Variants in TDRD5 observed in about 807,000 individuals in gnomAD.
TDRD5 encodes the protein tudor domain-containing protein 5.
Under a neutral mutation model 120.6 loss-of-function variants are expected in TDRD5, and 41 were observed. That is an observed-to-expected ratio of 0.34 (90% CI 0.26 to 0.44). The LOEUF (loss-of-function observed/expected upper bound fraction) is 0.44, where lower values mean the gene tolerates loss of function less well. Ranked by LOEUF, TDRD5 falls within the 20% of genes least tolerant of loss-of-function variation. TDRD5 has a pLI of 1.00. For synonymous variants in TDRD5, 430 were observed against 433.7 expected, an observed-to-expected ratio of 0.99 and a Z score of 0.11; for missense variants, 1,006 against 1,221.2, an observed-to-expected ratio of 0.82 and a Z score of 2.63.
rs1164994080 is a variant in TDRD5, at chr1:179,650,871, A to T, written c.1805A>T (p.His602Leu). ...SLAWVRPVEE[H>L]WTSKAILQFQ... ...AATATCTTGATCATATTTCAGGAAC[A>T]CTGGACATCGAAAGCTATTTTGCAG... is the stretch of plus-strand genomic sequence containing the variant. The change falls in exon 12 of 18, where the codon CAC (histidine) becomes CTC (leucine). Residue 602 changes from histidine to leucine, a missense_variant. This residue lies in a region of TDRD5 where 158 missense variants were observed against 257.5 expected (regional missense o/e 0.61). Coordinates refer to ENST00000444136, the MANE Select transcript of TDRD5 (RefSeq NM_001199085.3). The T allele has an allele frequency of 6.2e-7, 1 of 1,614,116 alleles. No individual in the cohort carries two copies. The highest frequency in any genetic ancestry group is 8.5e-7 in the Non-Finnish European group (1 of 1,179,986).
chr1:179,610,131 T>C (rs535065338), intron 4 of TDRD5, among the ~76,000 whole-genome samples: 1 of 152,312 alleles, frequency 6.6e-6, no homozygotes, highest in Admixed American at 6.5e-5. Flanking sequence ...AATTTTCTAG[T>C]TATTTATGGC....
intron 11 of TDRD5, among the ~76,000 whole-genome samples, chr1:179,642,899 A>G (rs952002258): frequency 9.2e-5 from 14 of 152,218 alleles, no homozygotes; most frequent in African/African-American, 2.4e-4. Flanking sequence ...TTAAATGGCA[A>G]TGGGACTTTT....
At chr1:179,639,584 G>A (rs991889599) in intron 9 of TDRD5, among the ~76,000 whole-genome samples, 1 of 152,118 alleles carries the variant, frequency 6.6e-6, no homozygotes, top group African/African-American at 2.4e-5. Context: ...AATGAAGATG[G>A]GGTACATTCT....
chr1:179,681,643 A>C (rs893733089), intron 17 of TDRD5, among the ~76,000 whole-genome samples: 6 of 151,824 alleles, frequency 4.0e-5, no homozygotes, highest in Non-Finnish European at 8.8e-5. Flanking sequence ...CAATTATTCA[A>C]CTCTGCTGTT....
Position 179,592,594 on chromosome 1 carries a change from G to T in TDRD5, c.-14-8G>T. ...CCCCCTTTTCCTCAGCTGCGTTTCT[G>T]TCTTCAGTCCTGTAGGGCACAATGT... On this transcript the variant is annotated splice_region_variant and splice_polypyrimidine_tract_variant and intron_variant, in intron 1 of 17. Transcript: ENST00000444136. 6.2e-7 allele frequency: 1 copy of T among 1,605,168 alleles called. No individual in the cohort carries two copies. The highest frequency in any genetic ancestry group is 8.5e-7 in the Non-Finnish European group (1 of 1,173,464).
intron 4 of TDRD5, among the ~76,000 whole-genome samples, chr1:179,596,922 A>T (rs1331261157): frequency 6.6e-6 from 1 of 152,194 alleles, no homozygotes; most frequent in Non-Finnish European, 1.5e-5. Context: ...CCCATTAGAT[A>T]TGTATGAGAG....
At chr1:179,682,069 A>C (rs1240158429) in intron 17 of TDRD5, among the ~76,000 whole-genome samples, 2 of 146,766 alleles carry the variant, frequency 1.4e-5, no homozygotes, top group African/African-American at 2.5e-5. Context: ...AACTGTTTTA[A>C]TATCCATGTC....
chr1:179,685,950 G>A (rs1680685577), intron 17 of TDRD5, among the ~76,000 whole-genome samples: 1 of 152,168 alleles, frequency 6.6e-6, no homozygotes, highest in African/African-American at 2.4e-5. Flanking sequence ...GAGCTAAGAT[G>A]ATGGGGTTTT....
Position 179,690,874 on chromosome 1 carries a change from T to A in TDRD5, c.3039T>A (p.Ala1013=), listed in dbSNP as rs1396878207. Reference sequence around the variant, plus strand: ...GTACAGCCACTGCTGCCTTAGGTGCTGCCGCACGGTTAGCTACATCCAGGA... The same window carrying A: ...GTACAGCCACTGCTGCCTTAGGTGCAGCCGCACGGTTAGCTACATCCAGGA... ...PRSTATAALG[A]AARLATSRSL... The change falls in exon 18 of 18, where the codon GCT becomes GCA. Residue 1013 remains alanine (A), a synonymous_variant. Coordinates refer to ENST00000444136, the MANE Select transcript of TDRD5 (RefSeq NM_001199085.3). 1 of 1,614,094 alleles carries A rather than the reference T, an allele frequency of 6.2e-7. No individual in the cohort carries two copies. Among genetic ancestry groups the A allele is most frequent in the Non-Finnish European group, 8.5e-7 (1 of 1,180,008 alleles).
intron 17 of TDRD5, among the ~76,000 whole-genome samples, 200 bp downstream of exon 17, chr1:179,669,604 GT>G (rs1054625208): frequency 2.0e-5 from 3 of 151,760 alleles, no homozygotes; most frequent in Non-Finnish European, 4.4e-5. Flanking sequence ...CTGCACTTTT[GT>G]TTTTTTGCCG....
At chr1:179,648,049 G>A (rs1678487987) in intron 11 of TDRD5, among the ~76,000 whole-genome samples, 1 of 152,022 alleles carries the variant, frequency 6.6e-6, no homozygotes. Flanking sequence ...CGATTCCTCA[G>A]GGATCTAGAA....
intron 17 of TDRD5, among the ~76,000 whole-genome samples, chr1:179,687,392 A>G (rs1190102161): frequency 6.6e-6 from 1 of 152,194 alleles, no homozygotes; most frequent in Non-Finnish European, 1.5e-5. Flanking sequence ...ATTTGATTGC[A>G]CTGTGGTCTG....
In TDRD5 at chr1:179,690,882, G is replaced by A. The variant is rs188949880; in HGVS notation, c.3047G>A (p.Arg1016Gln). 4 of 1,613,954 alleles carry A rather than the reference G, an allele frequency of 2.5e-6. No homozygotes were observed. In the Admixed American group the frequency reaches 5.0e-5, roughly 20 times the overall value. Residue 1016 changes from arginine (R) to glutamine (Q), a missense_variant, in exon 18 of 18, where the codon CGG becomes CAG. Physicochemically the swap from Arg to Gln is conservative, Grantham distance 43 (BLOSUM62 1). Transcript: ENST00000444136. ...ACTGCTGCCTTAGGTGCTGCCGCAC[G>A]GTTAGCTACATCCAGGAGCCTCCTA... ...TATAALGAAA[R>Q]LATSRSLLHW...
intron 3 of TDRD5, 62 bp from the exon 4 acceptor site, chr1:179,595,566 C>T (rs765095460): frequency 1.1e-5 from 16 of 1,433,698 alleles, no homozygotes; most frequent in African/African-American, 5.8e-5. Flanking sequence ...ATGTAGCCAC[C>T]GGAAAATGAA....
chr1:179,613,686 C>T (rs985772586), intron 4 of TDRD5, among the ~76,000 whole-genome samples: 4 of 152,160 alleles, frequency 2.6e-5, no homozygotes, highest in African/African-American at 9.7e-5. Flanking sequence ...TCGCCAAGGC[C>T]TCTCTAATAG....
chr1:179,632,924 C>A (rs1677542225), intron 7 of TDRD5, among the ~76,000 whole-genome samples: 1 of 152,118 alleles, frequency 6.6e-6, no homozygotes, highest in African/African-American at 2.4e-5. Context: ...TACAGTTGGG[C>A]AAAATCATCT....
intron 1 of TDRD5, 64 bp from the exon 2 acceptor site, chr1:179,592,538 G>GTT (rs574753334): frequency 7.5e-6 from 9 of 1,206,374 alleles, no homozygotes; most frequent in East Asian, 2.6e-5. Context: ...CCCACTATTG[G>GTT]TTTTTTTTTA....
Position 179,646,039 on chromosome 1 carries a change from T to C in TDRD5, c.1801-4828T>C, listed in dbSNP as rs76068800. ...GACCTTTTGTCTTTCACCCAGAATGTTTAGGCTGATTACACTTATTGTAAT... is the reference window on the plus strand; with the variant it reads ...GACCTTTTGTCTTTCACCCAGAATGCTTAGGCTGATTACACTTATTGTAAT... On this transcript the variant is annotated intron_variant, in intron 11 of 17. Coordinates refer to ENST00000444136, the MANE Select transcript of TDRD5 (RefSeq NM_001199085.3). Among the ~76,000 whole-genome samples the C allele has an allele frequency of 8.1e-3, 1,229 of 152,312 alleles. 16 individuals are homozygous for C. The highest frequency in any genetic ancestry group is 0.028 in the African/African-American group (1,176 of 41,568).
At chr1:179,679,738 G>C (rs780421581) in intron 17 of TDRD5, among the ~76,000 whole-genome samples, 1 of 150,298 alleles carries the variant, frequency 6.7e-6, no homozygotes, top group Non-Finnish European at 1.5e-5. Context: ...TTTTCCCCCC[G>C]ATCTAGAGGT....
Sources: gnomAD v4.1 joint callset for allele counts (sites outside exome capture counted in the v4.1 genomes callset) on GRCh38, gnomAD v4.1.1 for gene constraint, gnomAD v4.1.1 regional missense constraint, MANE v1.5 for transcripts, NCBI Gene and HGNC (gene_info 2026-07-23, HGNC 2026-07-21) for gene names.